The following SLC36A1 variants were observed in gnomAD, a reference collection of about 807,000 sequenced individuals.
SLC36A1 encodes solute carrier family 36 member 1.
Under a neutral mutation model 47.5 loss-of-function variants are expected in SLC36A1, and 30 were observed. The ratio of observed to expected loss-of-function variants is 0.63; its 90% CI spans 0.47 to 0.86. The LOEUF is 0.86. Ranked by LOEUF, SLC36A1 falls within the 40% of genes least tolerant of loss-of-function variation. The pLI is 0.00. For missense variants in SLC36A1, 517 were observed against 606.0 expected (o/e 0.85, Z 1.54); for synonymous variants, 255 against 249.7 (o/e 1.02, Z -0.20).
intron 7 of SLC36A1, among the ~76,000 whole-genome samples, chr5:151,469,842 A>G (rs1488402893): frequency 6.6e-6 from 1 of 151,778 alleles, no homozygotes; most frequent in Non-Finnish European, 1.5e-5. Context: ...GGTCAGTCTG[A>G]CAGGTGAATA....
the SLC36A1 span, chr5:151,382,087 G>C: frequency 1.3e-6 from 1 of 783,268 alleles, no homozygotes; most frequent in Non-Finnish European, 2.2e-6. Context: ...CCCAAAGAGA[G>C]CCTACTGACA....
the SLC36A1 span, chr5:151,545,173 T>C: frequency 6.2e-7 from 1 of 1,614,210 alleles, no homozygotes. Context: ...CACCAGTGCC[T>C]TTCTGTCCTG....
the SLC36A1 span, among the ~76,000 whole-genome samples, chr5:151,518,409 G>A: frequency 1.4e-5 from 2 of 145,218 alleles, no homozygotes; most frequent in East Asian, 2.1e-4. Context: ...GGCCAGAAAT[G>A]TAATGAATCA....
At chr5:151,367,482 T>C in the SLC36A1 span, among the ~76,000 whole-genome samples, 2 of 151,804 alleles carry the variant, frequency 1.3e-5, no homozygotes, top group Non-Finnish European at 1.5e-5. Flanking sequence ...AATATGGCTC[T>C]TTTTGCCTGA....
chr5:151,467,992 A>T, intron 7 of SLC36A1, 67 bp downstream of exon 7: 16 of 1,348,528 alleles, frequency 1.2e-5, no homozygotes, highest in East Asian at 2.4e-5. Context: ...GTGGTAGCTC[A>T]TGCCTGTAAT....
At chr5:151,526,514 G>A in the SLC36A1 span, among the ~76,000 whole-genome samples, 1 of 152,136 alleles carries the variant, frequency 6.6e-6, no homozygotes, top group South Asian at 2.1e-4. Flanking sequence ...ATAACACAAT[G>A]GTTGCTAACT....
the SLC36A1 span, among the ~76,000 whole-genome samples, chr5:151,403,020 A>T: frequency 2.0e-5 from 3 of 151,456 alleles, no homozygotes; most frequent in Admixed American, 1.3e-4. Flanking sequence ...TTCCGCTCTG[A>T]TTTTAGTTAT....
At chr5:151,416,010 G>A in the SLC36A1 span, among the ~76,000 whole-genome samples, 5 of 152,350 alleles carry the variant, frequency 3.3e-5, no homozygotes, top group South Asian at 2.1e-4. Flanking sequence ...GGGAGCTGAC[G>A]TAGGAGAATC....
the SLC36A1 span, chr5:151,544,002 G>A: frequency 2.5e-6 from 4 of 1,614,062 alleles, no homozygotes; most frequent in South Asian, 3.3e-5. Context: ...ACTCTGGGGG[G>A]TTGTCATTGA....
chr5:151,470,535 A>G (rs1414447682), intron 7 of SLC36A1, among the ~76,000 whole-genome samples: 2 of 152,198 alleles, frequency 1.3e-5, no homozygotes, highest in African/African-American at 2.4e-5. Flanking sequence ...GCTGTGATCA[A>G]ATAGTGCCGT....
At chr5:151,478,245 A>G (rs531803548) in intron 9 of SLC36A1, among the ~76,000 whole-genome samples, 17 of 152,294 alleles carry the variant, frequency 1.1e-4, no homozygotes, top group Middle Eastern at 3.4e-3. Context: ...GGGAGGACAA[A>G]TGTTTCTTGC....
chr5:151,434,937 A>G (rs1447753053), upstream of SLC36A1, among the ~76,000 whole-genome samples: 1 of 152,236 alleles, frequency 6.6e-6, no homozygotes, highest in Non-Finnish European at 1.5e-5. Context: ...TAGCAGCCCA[A>G]ACTGACTAAG....
At chr5:151,379,757 A>G in the SLC36A1 span, among the ~76,000 whole-genome samples, 2 of 152,220 alleles carry the variant, frequency 1.3e-5, no homozygotes, top group African/African-American at 4.8e-5. Context: ...TATAAAAACT[A>G]TTAAAATATT....
chr5:151,410,907 C>T, the SLC36A1 span, among the ~76,000 whole-genome samples: 20 of 144,466 alleles, frequency 1.4e-4, 2 homozygotes, highest in South Asian at 2.5e-4. Context: ...TGCTTCTATC[C>T]GCTGTGTGAC....
At chr5:151,430,945 C>G in the SLC36A1 span, among the ~76,000 whole-genome samples, 8 of 152,326 alleles carry the variant, frequency 5.3e-5, no homozygotes, top group South Asian at 8.3e-4. Context: ...AATTTCACTT[C>G]TGTGTGTACA....
At chr5:151,553,387 T>C in the SLC36A1 span, 3 of 1,613,818 alleles carry the variant, frequency 1.9e-6, no homozygotes, top group Non-Finnish European at 2.5e-6. Context: ...GTTGCCTTGA[T>C]CTGAAAGGAG....
chr5:151,471,093 A>G (rs1757252206), intron 7 of SLC36A1: 1 of 152,190 alleles, frequency 6.6e-6, no homozygotes, highest in Non-Finnish European at 1.5e-5. Context: ...ATATGGTAAG[A>G]CCTCACTTAA....
At chr5:151,388,977 C>A in the SLC36A1 span, among the ~76,000 whole-genome samples, 19 of 152,118 alleles carry the variant, frequency 1.2e-4, no homozygotes, top group South Asian at 1.0e-3. Context: ...AGAAAAAAAA[C>A]CCCACTGCTT....
the SLC36A1 span, among the ~76,000 whole-genome samples, chr5:151,530,556 A>C: frequency 2.0e-5 from 3 of 152,254 alleles, no homozygotes; most frequent in Non-Finnish European, 2.9e-5. Flanking sequence ...GACACTTAAA[A>C]TCTTGCATAT....
Sources: gnomAD v4.1 joint callset for allele counts (sites outside exome capture counted in the v4.1 genomes callset) on GRCh38, gnomAD v4.1.1 for gene constraint, MANE v1.5 for transcripts, NCBI Gene and HGNC (gene_info 2026-07-23, HGNC 2026-07-21) for gene names.